Variants in TNFAIP8 observed in about 807,000 individuals in gnomAD.
TNFAIP8 encodes the protein tumor necrosis factor alpha-induced protein 8.
A neutral mutation model predicts 13.3 loss-of-function variants in TNFAIP8; 7 were observed. The ratio of observed to expected loss-of-function variants is 0.52; its 90% CI spans 0.30 to 0.99. The LOEUF (loss-of-function observed/expected upper bound fraction) is 0.99, where lower values mean the gene tolerates loss of function less well. Ranked by LOEUF, TNFAIP8 falls within the 50% of genes least tolerant of loss-of-function variation. TNFAIP8 has a pLI of 0.07. For synonymous variants in TNFAIP8, 94 were observed against 87.6 expected, an observed-to-expected ratio of 1.07 and a Z score of -0.41; for missense variants, 258 against 236.9, an observed-to-expected ratio of 1.09 and a Z score of -0.58.
intron 1 of TNFAIP8, among the ~76,000 whole-genome samples, chr5:119,376,097 A>G (rs189877561): frequency 2.0e-5 from 3 of 152,090 alleles, no homozygotes; most frequent in East Asian, 1.9e-4. Context: ...GAAAAAATAT[A>G]TATAAACTTA....
At chr5:119,325,736 C>A (rs1398765348) in intron 1 of TNFAIP8, among the ~76,000 whole-genome samples, 3 of 152,208 alleles carry the variant, frequency 2.0e-5, no homozygotes, top group Non-Finnish European at 4.4e-5. Flanking sequence ...GCGTGAGCCA[C>A]CGTGCCTGGC....
At chr5:119,307,030 A>G (rs1316188612) in intron 1 of TNFAIP8, among the ~76,000 whole-genome samples, 1 of 152,222 alleles carries the variant, frequency 6.6e-6, no homozygotes, top group Non-Finnish European at 1.5e-5. Flanking sequence ...CCAATTTCAA[A>G]TATGTTAAAA....
intron 1 of TNFAIP8, among the ~76,000 whole-genome samples, chr5:119,284,928 G>A (rs73248988): frequency 0.01 from 1,550 of 152,276 alleles, 17 homozygotes; most frequent in African/African-American, 0.035. Context: ...AGTGAGTTTG[G>A]TGGAGAAAGA....
At chr5:119,378,670 T>C (rs1460706320) in intron 1 of TNFAIP8, among the ~76,000 whole-genome samples, 1 of 152,200 alleles carries the variant, frequency 6.6e-6, no homozygotes, top group East Asian at 1.9e-4. Flanking sequence ...TGGTCACTTC[T>C]CCAAACAAAA....
chr5:119,386,438 T>A (rs978152250), intron 1 of TNFAIP8, among the ~76,000 whole-genome samples: 23 of 152,296 alleles, frequency 1.5e-4, no homozygotes, highest in African/African-American at 5.5e-4. Flanking sequence ...GAGTATAAAA[T>A]AGCTAAGCGA....
chr5:119,298,781 T>C (rs1445316935), intron 1 of TNFAIP8, among the ~76,000 whole-genome samples: 1 of 152,044 alleles, frequency 6.6e-6, no homozygotes, highest in Non-Finnish European at 1.5e-5. Flanking sequence ...CATAGTCCCA[T>C]ATTTCTTAGA....
chr5:119,334,616 G>A (rs1750489502), intron 1 of TNFAIP8, among the ~76,000 whole-genome samples: 1 of 133,512 alleles, frequency 7.5e-6, no homozygotes, highest in Non-Finnish European at 1.5e-5. Flanking sequence ...CTGTGCATGT[G>A]ATCCTTTCGT....
chr5:119,321,594 C>T (rs1156630986), intron 1 of TNFAIP8, among the ~76,000 whole-genome samples: 2 of 152,164 alleles, frequency 1.3e-5, no homozygotes, highest in South Asian at 2.1e-4. Context: ...CAGGAGGCAT[C>T]CTGATTCCTC....
chr5:119,369,794 C>T (rs949865450), intron 1 of TNFAIP8, among the ~76,000 whole-genome samples: 2 of 152,258 alleles, frequency 1.3e-5, no homozygotes, highest in Non-Finnish European at 2.9e-5. Context: ...TTGCTGGCTC[C>T]CTTCGAGCCA....
intron 1 of TNFAIP8, among the ~76,000 whole-genome samples, chr5:119,312,241 CAG>C (rs1205780984): frequency 6.6e-6 from 1 of 152,124 alleles, no homozygotes; most frequent in Non-Finnish European, 1.5e-5. Context: ...AGTTTGGAAA[CAG>C]AGCTGGATTC....
At position 119,393,201 on chromosome 5, in the gene TNFAIP8, G is replaced by A. The variant is rs776660929; in HGVS notation, c.417G>A (p.Leu139=). ...TGTTAAATGAATGCAGAGAGATGCT[G>A]CACCAAATCATTCAGCGCCACCTCA... ...SRLLNECREM[L]HQIIQRHLTA... Residue 139 remains leucine (L), a synonymous_variant, in exon 2 of 2, where the codon CTG becomes CTA. Transcript: ENST00000504771. The A allele has an allele frequency of 6.2e-7, 1 of 1,613,900 alleles. No individual in the cohort carries two copies. Among genetic ancestry groups the A allele is most frequent in the Admixed American group, 1.7e-5 (1 of 60,002 alleles).
At chr5:119,363,718 A>G (rs1751720367) in intron 1 of TNFAIP8, among the ~76,000 whole-genome samples, 1 of 152,210 alleles carries the variant, frequency 6.6e-6, no homozygotes, top group Non-Finnish European at 1.5e-5. Context: ...GACGTTGACT[A>G]GACGTCCTAT....
intron 1 of TNFAIP8, among the ~76,000 whole-genome samples, chr5:119,315,631 T>C (rs554919630): frequency 2.0e-4 from 30 of 152,296 alleles, no homozygotes; most frequent in African/African-American, 5.8e-4. Context: ...CCAGTGTTGT[T>C]GAACACACTG....
At chr5:119,389,003 GT>G (rs1245466180) in intron 1 of TNFAIP8, among the ~76,000 whole-genome samples, 5 of 152,134 alleles carry the variant, frequency 3.3e-5, no homozygotes, top group Non-Finnish European at 7.3e-5. Context: ...ATAGAAAGGG[GT>G]TTGGACTAGG....
At chr5:119,312,145 G>A (rs9327097) in intron 1 of TNFAIP8, among the ~76,000 whole-genome samples, 124,469 of 151,894 alleles carry the variant, frequency 0.82, 51,551 homozygotes, top group East Asian at 0.98. Context: ...AAAACTTTGG[G>A]AAAAAAAATA....
intron 1 of TNFAIP8, among the ~76,000 whole-genome samples, chr5:119,375,299 C>T (rs1038809979): frequency 3.9e-5 from 6 of 152,172 alleles, no homozygotes; most frequent in African/African-American, 1.4e-4. Flanking sequence ...TCTTCTATCT[C>T]CTAAAATAGG....
chr5:119,388,200 C>G (rs925021662), intron 1 of TNFAIP8, among the ~76,000 whole-genome samples: 2 of 152,166 alleles, frequency 1.3e-5, no homozygotes. Flanking sequence ...CCATTATGCA[C>G]AACAAATCTC....
At chr5:119,310,783 C>T (rs988011056) in intron 1 of TNFAIP8, among the ~76,000 whole-genome samples, 5 of 152,126 alleles carry the variant, frequency 3.3e-5, no homozygotes, top group South Asian at 4.1e-4. Flanking sequence ...GTGGAGATTG[C>T]GCCACTGCAC....
At chr5:119,381,802 G>C (rs1382815986) in intron 1 of TNFAIP8, among the ~76,000 whole-genome samples, 1 of 151,976 alleles carries the variant, frequency 6.6e-6, no homozygotes, top group Non-Finnish European at 1.5e-5. Flanking sequence ...CATGGTGGTG[G>C]GCACCTGTAG....
Sources: gnomAD v4.1 joint callset for allele counts (sites outside exome capture counted in the v4.1 genomes callset) on GRCh38, gnomAD v4.1.1 for gene constraint, MANE v1.5 for transcripts, NCBI Gene and HGNC (gene_info 2026-07-23, HGNC 2026-07-21) for gene names.